RAB21: variants seen among roughly 807,000 people sequenced by gnomAD.
RAB21 encodes RAB21, member RAS oncogene family.
Under a neutral mutation model 33.1 loss-of-function variants are expected in RAB21, and 13 were observed. That is an observed-to-expected ratio of 0.39 (90% CI 0.26 to 0.62). The LOEUF (loss-of-function observed/expected upper bound fraction) is 0.62. Ranked by LOEUF, RAB21 falls within the 20% of genes least tolerant of loss-of-function variation. The probability of loss-of-function intolerance (pLI) is 0.48; values close to 1 mark genes in which losing one functional copy is unlikely to be tolerated. For synonymous variants in RAB21, 91 were observed against 103.7 expected (o/e 0.88, Z 0.74); for missense variants, 234 against 279.1 (o/e 0.84, Z 1.15).
intron 1 of RAB21, among the ~76,000 whole-genome samples, chr12:71,755,716 T>C (rs1162630644): frequency 6.6e-6 from 1 of 152,226 alleles, no homozygotes; most frequent in Non-Finnish European, 1.5e-5. Flanking sequence ...CGCTTACTGA[T>C]GACTAAGTGT....
At chr12:71,756,877 G>C (rs906267542) in intron 1 of RAB21, among the ~76,000 whole-genome samples, 19 of 152,194 alleles carry the variant, frequency 1.2e-4, no homozygotes, top group Non-Finnish European at 1.8e-4. Context: ...GAAGTGGATA[G>C]TTTAGTGGAT....
In RAB21 at chr12:71,799,954, T is replaced by A. The variant is rs1021577987; in HGVS notation, c.*14281T>A. ...CGGGTGTGGTGGCAAGCAACTATAA[T>A]CCTAACTACTTGGGAGGCTGAGGCA... On this transcript the variant is annotated 3_prime_UTR_variant, in exon 7 of 7. Transcript: ENST00000261263. 1 of 151,640 alleles carries A rather than the reference T, an allele frequency of 6.6e-6. No individual in the cohort carries two copies. Among genetic ancestry groups the A allele is most frequent in the African/African-American group, 2.4e-5 (1 of 41,150 alleles). The allele number at this position is 151,640 out of a possible 1,614,324, so 9.4% of individuals were successfully genotyped here.
intron 3 of RAB21, among the ~76,000 whole-genome samples, chr12:71,773,412 G>C (rs187267426): frequency 1.3e-5 from 2 of 152,276 alleles, no homozygotes; most frequent in African/African-American, 4.8e-5. Flanking sequence ...AGAATTATCT[G>C]TACTAAAATG....
At position 71,770,585 on chromosome 12, in the gene RAB21, T is replaced by A; in HGVS notation, c.220-7T>A. ...CTGATCTAATAAGCATTTGTTGCTT[T>A]CTTTAGGATACGGCAGGTCAAGAGA... is the stretch of plus-strand genomic sequence containing the variant. On this transcript the variant is annotated splice_region_variant and splice_polypyrimidine_tract_variant and intron_variant, in intron 2 of 6. Coordinates refer to ENST00000261263, the MANE Select transcript of RAB21 (RefSeq NM_014999.4). The A allele has an allele frequency of 6.4e-7, 1 of 1,558,486 alleles. No individual in the cohort carries two copies. The highest frequency in any genetic ancestry group is 8.8e-7 in the Non-Finnish European group (1 of 1,130,326).
chr12:71,762,621 C>T (rs1882892204), intron 1 of RAB21, among the ~76,000 whole-genome samples: 3 of 151,990 alleles, frequency 2.0e-5, no homozygotes, highest in Middle Eastern at 6.8e-3. Flanking sequence ...ATCGCCCTTT[C>T]GCCTAAGCTG....
Position 71,790,466 on chromosome 12 carries a change from ACTCTAG to A in RAB21, c.*4796_*4801del, listed in dbSNP as rs1162481952. 3 of 152,050 alleles carry A rather than the reference ACTCTAG, an allele frequency of 2.0e-5. No homozygotes were observed. The highest frequency in any genetic ancestry group is 7.2e-5 in the African/African-American group (3 of 41,404). 9.4% of individuals were successfully genotyped at this position (152,050 alleles called of 1,614,324 possible). A position where few individuals can be genotyped will look rare whatever the true frequency, so the allele number is the denominator to read the frequency against. On this transcript the variant is annotated 3_prime_UTR_variant, in exon 7 of 7. Transcript: ENST00000261263. ...AGTAGAAAGAAGTGGTATCTGCTAAACTCTAGCTTTAGTAGCAAGCTATTTTAAGGA... is the reference window on the plus strand; with the variant it reads ...AGTAGAAAGAAGTGGTATCTGCTAAACTTTAGTAGCAAGCTATTTTAAGGA...
At chr12:71,756,528 C>T (rs1305281419) in intron 1 of RAB21, among the ~76,000 whole-genome samples, 2 of 152,224 alleles carry the variant, frequency 1.3e-5, no homozygotes, top group African/African-American at 4.8e-5. Flanking sequence ...TTACAAGACG[C>T]TCTGGCTCTG....
chr12:71,777,238 C>G (rs1010529426), intron 4 of RAB21, among the ~76,000 whole-genome samples: 1 of 152,160 alleles, frequency 6.6e-6, no homozygotes, highest in Non-Finnish European at 1.5e-5. Flanking sequence ...ACCCCCGTCA[C>G]TATCCTTTTT....
intron 1 of RAB21, among the ~76,000 whole-genome samples, 165 bp downstream of exon 1, chr12:71,755,453 C>T (rs1342194343): frequency 6.6e-6 from 1 of 152,056 alleles, no homozygotes; most frequent in East Asian, 1.9e-4. Flanking sequence ...ATCACCAGGT[C>T]GGGGCAGCCT....
At position 71,799,215 on chromosome 12, in the gene RAB21, T is replaced by G. The variant is rs1304953899; in HGVS notation, c.*13542T>G. ...TCTGGTTCCCAGCAGGGCTCCATGGTGACCAGAGGTTGTAGTTCCCCCAGT... is the reference window on the plus strand; with the variant it reads ...TCTGGTTCCCAGCAGGGCTCCATGGGGACCAGAGGTTGTAGTTCCCCCAGT... On this transcript the variant is annotated 3_prime_UTR_variant, in exon 7 of 7. Coordinates refer to ENST00000261263, the MANE Select transcript of RAB21 (RefSeq NM_014999.4). The G allele has an allele frequency of 6.6e-6, 1 of 152,316 alleles. No homozygotes were observed. Among genetic ancestry groups the G allele is most frequent in the South Asian group, 2.1e-4 (1 of 4,830 alleles). 9.4% of individuals were successfully genotyped at this position (152,316 alleles called of 1,614,324 possible).
In RAB21 at chr12:71,793,926, T is replaced by G. The variant is rs1883423284; in HGVS notation, c.*8253T>G. ...GCTGGCCCTTTCCAATCAAAAGTGT[T>G]AAAAGCTGGCTGGGAGCCATGGCTC... On this transcript the variant is annotated 3_prime_UTR_variant, in exon 7 of 7. Transcript: ENST00000261263. 1 of 152,240 alleles carries G rather than the reference T, an allele frequency of 6.6e-6. No homozygotes were observed. Among genetic ancestry groups the G allele is most frequent in the African/African-American group, 2.4e-5 (1 of 41,440 alleles). The allele number at this position is 152,240 out of a possible 1,614,324, so 9.4% of individuals were successfully genotyped here.
chr12:71,772,012 G>A (rs1029158376), intron 3 of RAB21, among the ~76,000 whole-genome samples: 7 of 151,820 alleles, frequency 4.6e-5, no homozygotes, highest in Non-Finnish European at 8.8e-5. Flanking sequence ...AGGTTGAAAG[G>A]GACCAGTTGT....
At chr12:71,782,768 A>C (rs959556972) in intron 6 of RAB21, 110 bp downstream of exon 6, 1 of 719,902 alleles carries the variant, frequency 1.4e-6, no homozygotes, top group African/African-American at 1.8e-5. Flanking sequence ...GGTTCTTTTT[A>C]AACTATTGAC....
chr12:71,782,621 C>A lies in RAB21; in HGVS notation c.498C>A (p.Asn166Lys). The change falls in exon 6 of 7, where the codon AAC becomes AAA. Residue 166 changes from asparagine (N) to lysine (K), a missense_variant. Asn to Lys is a moderately conservative substitution (Grantham distance 94). Coordinates refer to ENST00000261263, the MANE Select transcript of RAB21 (RefSeq NM_014999.4). ...ATTATCATACTTCAGCCAAACAGAACAAAGGAATTGAGGAACTCTTTCTTG... is the reference window on the plus strand; with the variant it reads ...ATTATCATACTTCAGCCAAACAGAAAAAAGGAATTGAGGAACTCTTTCTTG... Reference protein sequence around the residue: ...AKHYHTSAKQNKGIEELFLDL... With the variant: ...AKHYHTSAKQKKGIEELFLDL... 1 of 1,602,500 alleles carries A rather than the reference C, an allele frequency of 6.2e-7. No homozygotes were observed. The highest frequency in any genetic ancestry group is 1.1e-5 in the South Asian group (1 of 89,692).
intron 3 of RAB21, among the ~76,000 whole-genome samples, chr12:71,771,853 A>G (rs896410262): frequency 1.3e-5 from 2 of 151,942 alleles, no homozygotes; most frequent in African/African-American, 2.4e-5. Context: ...GCACATGCCT[A>G]TAATCTTAGC....
rs375346438 is a variant in RAB21 at position 71,783,461 on chromosome 12, TACAC to T, written c.535+815_535+818del. ...GAATATTGATATGTGTGTGTGTGTGTACACACACACACACATTTTGGAATAAATT... is the reference window on the plus strand; with the variant it reads ...GAATATTGATATGTGTGTGTGTGTGTACACACACACATTTTGGAATAAATT... On this transcript the variant is annotated intron_variant, in intron 6 of 6. Coordinates refer to ENST00000261263, the MANE Select transcript of RAB21 (RefSeq NM_014999.4). Among the ~76,000 whole-genome samples, 703 of 150,468 alleles carry T rather than the reference TACAC, an allele frequency of 4.7e-3. 6 individuals are homozygous for T. Among genetic ancestry groups the T allele is most frequent in the African/African-American group, 0.015 (626 of 41,166 alleles).
At position 71,786,584 on chromosome 12, in the gene RAB21, G is replaced by T. The variant is rs56100239; in HGVS notation, c.*911G>T. On this transcript the variant is annotated 3_prime_UTR_variant, in exon 7 of 7. Transcript: ENST00000261263. ...AAATATTTTATCTGCTTTTACAAGCGCAAGGTGCAAAAATATATACAATAG... is the reference window on the plus strand; with the variant it reads ...AAATATTTTATCTGCTTTTACAAGCTCAAGGTGCAAAAATATATACAATAG... 1.3e-5 allele frequency: 2 copies of T among 152,502 alleles called. No individual in the cohort carries two copies. The highest frequency in any genetic ancestry group is 4.8e-5 in the African/African-American group (2 of 41,396). The allele number at this position is 152,502 out of a possible 1,614,324, so 9.4% of individuals were successfully genotyped here.
At chr12:71,766,204 A>C (rs1359475385) in intron 1 of RAB21, among the ~76,000 whole-genome samples, 1 of 152,156 alleles carries the variant, frequency 6.6e-6, no homozygotes, top group Non-Finnish European at 1.5e-5. Context: ...ATCTATAATA[A>C]CAGTATTTGA....
intron 1 of RAB21, among the ~76,000 whole-genome samples, chr12:71,769,492 G>T (rs554744506): frequency 6.6e-6 from 1 of 152,114 alleles, no homozygotes; most frequent in South Asian, 2.1e-4. Context: ...CTGTGATAAG[G>T]TAGCATCAAA....
Sources: gnomAD v4.1 joint callset for allele counts (sites outside exome capture counted in the v4.1 genomes callset) on GRCh38, gnomAD v4.1.1 for gene constraint, MANE v1.5 for transcripts, NCBI Gene and HGNC (gene_info 2026-07-23, HGNC 2026-07-21) for gene names.